Variants in GSKIP observed in about 807,000 individuals in gnomAD.
GSKIP encodes GSK3B-interacting protein.
A neutral mutation model predicts 11.9 loss-of-function variants in GSKIP; 5 were observed. The ratio of observed to expected loss-of-function variants is 0.42; its 90% CI spans 0.22 to 0.89. GSKIP has a LOEUF of 0.89. Ranked by LOEUF, GSKIP falls within the 40% of genes least tolerant of loss-of-function variation. The pLI is 0.29. For synonymous variants in GSKIP, 70 were observed against 62.9 expected (o/e 1.11, Z -0.54); for missense variants, 150 against 166.6 (o/e 0.90, Z 0.55).
intron 1 of GSKIP, among the ~76,000 whole-genome samples, chr14:96,369,846 C>T (rs1157402633): frequency 1.3e-5 from 2 of 152,068 alleles, no homozygotes. Context: ...GGGGTATTGC[C>T]TAGTAGAACA....
chr14:96,374,449 A>G (rs1595348165), intron 1 of GSKIP, among the ~76,000 whole-genome samples: 1 of 152,328 alleles, frequency 6.6e-6, no homozygotes, highest in East Asian at 1.9e-4. Context: ...TGAAAAAACT[A>G]CACCAAGAGG....
At chr14:96,378,815 G>A (rs539894088) in intron 1 of GSKIP, 1 of 152,164 alleles carries the variant, frequency 6.6e-6, no homozygotes, top group African/African-American at 2.4e-5. Context: ...GCTTTCTGTT[G>A]CCCGTAAGAT....
At position 96,382,372 on chromosome 14, in the gene GSKIP, A is replaced by G; in HGVS notation, c.125A>G (p.Asn42Ser). 2 of 1,614,104 alleles carry G rather than the reference A, an allele frequency of 1.2e-6. No homozygotes were observed. Among genetic ancestry groups the G allele is most frequent in the African/African-American group, 2.7e-5 (2 of 75,038 alleles). ...AGGCTCGAAGCTGAAGCAGTTGTAA[A>G]TGATGTTCTCTTTGCTGTTAACAAC... ...DMRLEAEAVVNDVLFAVNNMF... is the reference protein window; with the variant it reads ...DMRLEAEAVVSDVLFAVNNMF... The change falls in exon 3 of 4, where the codon AAT becomes AGT. Residue 42 changes from asparagine (N) to serine (S), a missense_variant. Physicochemically the swap from Asn to Ser is conservative, Grantham distance 46. Coordinates refer to ENST00000555181, the MANE Select transcript of GSKIP (RefSeq NM_016472.5).
chr14:96,364,431 A>G (rs1048137870), intron 1 of GSKIP: 1 of 152,258 alleles, frequency 6.6e-6, no homozygotes, highest in African/African-American at 2.4e-5. Context: ...GAACCTGAAC[A>G]GAGTCCTGAA....
intron 2 of GSKIP, among the ~76,000 whole-genome samples, chr14:96,380,471 C>G (rs991539076): frequency 6.6e-6 from 1 of 152,150 alleles, no homozygotes; most frequent in Non-Finnish European, 1.5e-5. Flanking sequence ...AAAAAAATAA[C>G]TCGTCTTCCA....
intron 2 of GSKIP, among the ~76,000 whole-genome samples, chr14:96,380,999 A>G (rs543070176): frequency 6.6e-6 from 1 of 152,348 alleles, no homozygotes; most frequent in African/African-American, 2.4e-5. Flanking sequence ...GAGTGAGTGA[A>G]GAGTTATGCT....
At chr14:96,374,559 A>G (rs990491845) in intron 1 of GSKIP, among the ~76,000 whole-genome samples, 5 of 152,202 alleles carry the variant, frequency 3.3e-5, no homozygotes, top group Admixed American at 3.3e-4. Flanking sequence ...TTAGAGACAC[A>G]GGCTCTTACT....
intron 1 of GSKIP, among the ~76,000 whole-genome samples, chr14:96,376,626 C>T (rs949081668): frequency 2.6e-5 from 4 of 152,124 alleles, no homozygotes; most frequent in South Asian, 2.1e-4. Flanking sequence ...TGTAGTAGGA[C>T]GAAGACATAT....
intron 3 of GSKIP, 65 bp downstream of exon 3, chr14:96,382,570 G>A: frequency 1.6e-6 from 2 of 1,237,126 alleles, no homozygotes; most frequent in Admixed American, 2.3e-5. Context: ...CAAAAAGAGG[G>A]GTAGTGGGGA....
intron 1 of GSKIP, among the ~76,000 whole-genome samples, chr14:96,378,333 T>A (rs1347032401): frequency 6.6e-6 from 1 of 151,834 alleles, no homozygotes; most frequent in Non-Finnish European, 1.5e-5. Context: ...GCCTCATAAA[T>A]AAATAACTCT....
At chr14:96,382,730 C>T (rs924956248) in intron 3 of GSKIP, among the ~76,000 whole-genome samples, 2 of 152,044 alleles carry the variant, frequency 1.3e-5, no homozygotes, top group African/African-American at 4.8e-5. Flanking sequence ...ATTTGCAGGG[C>T]GTGACTTTGT....
intron 1 of GSKIP, among the ~76,000 whole-genome samples, chr14:96,372,015 C>T (rs1245143836): frequency 3.3e-5 from 5 of 152,070 alleles, no homozygotes; most frequent in South Asian, 2.1e-4. Context: ...CAAAGGAAAC[C>T]CTAGACGCGT....
chr14:96,366,254 T>G (rs901812332), intron 1 of GSKIP, among the ~76,000 whole-genome samples: 1 of 150,706 alleles, frequency 6.6e-6, no homozygotes, highest in African/African-American at 2.4e-5. Flanking sequence ...CAATTTGGAC[T>G]TCTTTCAGCA....
chr14:96,383,803 C>T (rs531320672), intron 3 of GSKIP, among the ~76,000 whole-genome samples: 17 of 152,310 alleles, frequency 1.1e-4, no homozygotes, highest in Non-Finnish European at 2.1e-4. Flanking sequence ...TTGTGCACTT[C>T]TTTTCACATC....
Position 96,385,818 on chromosome 14 carries a change from G to A in GSKIP, c.*134G>A. 6.2e-6 allele frequency: 4 copies of A among 644,424 alleles called. No homozygotes were observed. The Admixed American group carries it at 1.3e-4, about 21-fold the overall frequency. The allele number at this position is 644,424 out of a possible 1,614,324, so 39.9% of individuals were successfully genotyped here. ...TCACTTGCTTCCAACTTAGGCTTTT[G>A]GCTCAGAAGATTATTGAATAATGAT... On this transcript the variant is annotated 3_prime_UTR_variant, in exon 4 of 4. Transcript: ENST00000555181.
At chr14:96,366,155 C>T (rs369267383) in intron 1 of GSKIP, among the ~76,000 whole-genome samples, 3 of 151,944 alleles carry the variant, frequency 2.0e-5, no homozygotes, top group South Asian at 4.1e-4. Flanking sequence ...GGAATACAAA[C>T]AAGGTGGTAT....
chr14:96,382,519 CCTTTT>C lies in GSKIP; in HGVS notation c.258+15_258+19del. 1.3e-6 allele frequency: 2 copies of C among 1,574,336 alleles called. No individual in the cohort carries two copies. The highest frequency in any genetic ancestry group is 1.9e-5 in the Admixed American group (1 of 53,186). On this transcript the variant is annotated intron_variant, in intron 3 of 3. Transcript: ENST00000555181. ...GCAGGGCTCAAGGTAACTCACTTTTCCTTTTAGAAAAAAAAATTATTTATGTCTTT... is the reference window on the plus strand; with the variant it reads ...GCAGGGCTCAAGGTAACTCACTTTTCAGAAAAAAAAATTATTTATGTCTTT...
chr14:96,368,493 T>C (rs1595345197), intron 1 of GSKIP, among the ~76,000 whole-genome samples: 2 of 152,330 alleles, frequency 1.3e-5, no homozygotes, highest in African/African-American at 4.8e-5. Flanking sequence ...ATTTACAGTT[T>C]GTAAAAACTC....
rs1244509528 is a variant in GSKIP at position 96,387,062 on chromosome 14, T to C, written c.*1378T>C. ...ATTGCCAGACTTCATTGGAATGCTT[T>C]GTTTGATGATGTATGTTCATTCTCA... is the stretch of plus-strand genomic sequence containing the variant. On this transcript the variant is annotated 3_prime_UTR_variant, in exon 4 of 4. Coordinates refer to ENST00000555181, the MANE Select transcript of GSKIP (RefSeq NM_016472.5). 2 of 152,244 alleles carry C rather than the reference T, an allele frequency of 1.3e-5. No individual in the cohort carries two copies. The highest frequency in any genetic ancestry group is 2.9e-5 in the Non-Finnish European group (2 of 68,054). The allele number at this position is 152,244 out of a possible 1,614,324, so 9.4% of individuals were successfully genotyped here. A position where few individuals can be genotyped will look rare whatever the true frequency, so the allele number is the denominator to read the frequency against.
Sources: gnomAD v4.1 joint callset for allele counts (sites outside exome capture counted in the v4.1 genomes callset) on GRCh38, gnomAD v4.1.1 for gene constraint, MANE v1.5 for transcripts, NCBI Gene and HGNC (gene_info 2026-07-23, HGNC 2026-07-21) for gene names.